RBFOX1: variants seen among roughly 807,000 people sequenced by gnomAD.
RBFOX1 encodes the protein RNA binding protein fox-1 homolog 1.
In RBFOX1, 8 loss-of-function variants were observed where a neutral mutation model predicts 57.7. The ratio of observed to expected loss-of-function variants is 0.14; its 90% CI spans 0.08 to 0.25. The LOEUF (loss-of-function observed/expected upper bound fraction) is 0.25. Among genes scored for constraint, RBFOX1 ranks in the 10% least tolerant of loss-of-function variants. The probability of loss-of-function intolerance (pLI) is 1.00; values close to 1 mark genes in which losing one functional copy is unlikely to be tolerated. For missense variants in RBFOX1, 611 were observed against 548.5 expected, an observed-to-expected ratio of 1.11 and a Z score of -1.14; for synonymous variants, 326 against 222.4, an observed-to-expected ratio of 1.47 and a Z score of -4.15.
Position 6,869,589 on chromosome 16 carries a change from TAGAG to T in RBFOX1, c.-15-182466_-15-182463del, listed in dbSNP as rs200939510. Among the ~76,000 whole-genome samples the T allele has an allele frequency of 6.1e-3, 935 of 152,086 alleles. 14 individuals carry two copies. Among genetic ancestry groups the T allele is most frequent in the African/African-American group, 0.021 (886 of 41,486 alleles). On this transcript the variant is annotated intron_variant, in intron 3 of 15. Coordinates refer to ENST00000550418, the MANE Select transcript of RBFOX1 (RefSeq NM_018723.4). ...AATTTCTGTGCAGAGTAGGATGAAA[TAGAG>T]AAAGAAAGAACAGGAAAAATATAAT...
chr16:7,384,011 G>A (rs537790928), intron 4 of RBFOX1, among the ~76,000 whole-genome samples: 87 of 150,384 alleles, frequency 5.8e-4, no homozygotes, highest in South Asian at 4.4e-3. Flanking sequence ...CAGAGATCGT[G>A]CCGTTGCACC....
chr16:5,654,377 G>A (rs991989499), intron 3 of RBFOX1, among the ~76,000 whole-genome samples: 8 of 152,150 alleles, frequency 5.3e-5, no homozygotes, highest in South Asian at 4.1e-4. Context: ...TGTAGTGGGA[G>A]TATTTATACC....
At chr16:7,664,889 A>C in intron 12 of RBFOX1, 40 bp from the exon 13 acceptor site, 1 of 1,613,844 alleles carries the variant, frequency 6.2e-7, no homozygotes, top group Non-Finnish European at 8.5e-7. Context: ...TGGGAAATGC[A>C]CTAATATGGA....
intron 4 of RBFOX1, among the ~76,000 whole-genome samples, chr16:7,411,914 AAAAAAAAAAAG>A (rs1329217297): frequency 2.6e-5 from 4 of 151,430 alleles, no homozygotes; most frequent in South Asian, 2.1e-4. Context: ...AAAAAAAAAA[AAAAAAAAAAAG>A]ATAGGGAAAA....
At chr16:5,960,114 T>A (rs1046569836) in intron 4 of RBFOX1, among the ~76,000 whole-genome samples, 1 of 151,998 alleles carries the variant, frequency 6.6e-6, no homozygotes, top group South Asian at 2.1e-4. Context: ...GACAGGAGAA[T>A]TGCTTGAACC....
Position 6,932,933 on chromosome 16 carries a change from C to G in RBFOX1, c.-15-119124C>G, listed in dbSNP as rs553650459. On this transcript the variant is annotated intron_variant, in intron 3 of 15. Coordinates refer to ENST00000550418, the MANE Select transcript of RBFOX1 (RefSeq NM_018723.4). Reference sequence around the variant, plus strand: ...CCCCCAGCCCCTGGCAACTACTATTCTCCTTTCTGTCTTTATGAACTTGAC... The same window carrying G: ...CCCCCAGCCCCTGGCAACTACTATTGTCCTTTCTGTCTTTATGAACTTGAC... Among the ~76,000 whole-genome samples the G allele has an allele frequency of 6.6e-5, 10 of 152,302 alleles. No individual in the cohort carries two copies. In the South Asian group the frequency reaches 2.1e-3, roughly 32 times the overall value.
At chr16:5,313,259 C>T (rs768432644) in intron 1 of RBFOX1, among the ~76,000 whole-genome samples, 3 of 152,116 alleles carry the variant, frequency 2.0e-5, no homozygotes, top group African/African-American at 2.4e-5. Flanking sequence ...TTCCCCCTCT[C>T]CAAAGTCCTC....
At chr16:6,425,688 C>T (rs1391291175) in intron 2 of RBFOX1, among the ~76,000 whole-genome samples, 2 of 151,992 alleles carry the variant, frequency 1.3e-5, no homozygotes, top group Non-Finnish European at 2.9e-5. Context: ...TTTGTATTGC[C>T]TGGTTTATTC....
intron 1 of RBFOX1, among the ~76,000 whole-genome samples, chr16:6,040,744 AC>A (rs2095427870): frequency 6.6e-6 from 1 of 151,944 alleles, no homozygotes; most frequent in Non-Finnish European, 1.5e-5. Context: ...ACAGGCACCC[AC>A]CACCATGCCT....
chr16:5,616,371 T>C (rs975331107), intron 3 of RBFOX1, among the ~76,000 whole-genome samples: 1 of 152,200 alleles, frequency 6.6e-6, no homozygotes, highest in African/African-American at 2.4e-5. Flanking sequence ...CCAGCTTGTC[T>C]GCGGTGCTGG....
intron 11 of RBFOX1, among the ~76,000 whole-genome samples, chr16:7,641,771 C>T (rs148736866): frequency 9.1e-4 from 138 of 152,238 alleles, no homozygotes; most frequent in African/African-American, 2.7e-3. Context: ...TAAACTGTCA[C>T]GGTAGACTAG....
chr16:7,193,597 C>T (rs796932318), intron 4 of RBFOX1, among the ~76,000 whole-genome samples: 4 of 152,172 alleles, frequency 2.6e-5, no homozygotes, highest in African/African-American at 9.7e-5. Context: ...CGTCCTTGAT[C>T]CAATGAGGCA....
chr16:5,497,500 C>T (rs1461933347), intron 2 of RBFOX1, among the ~76,000 whole-genome samples: 1 of 151,886 alleles, frequency 6.6e-6, no homozygotes, highest in Non-Finnish European at 1.5e-5. Flanking sequence ...TCTGGCCAGG[C>T]ACGGTGGCTC....
At chr16:6,075,267 G>A (rs1178566620) in intron 1 of RBFOX1, among the ~76,000 whole-genome samples, 4 of 152,180 alleles carry the variant, frequency 2.6e-5, no homozygotes, top group Non-Finnish European at 5.9e-5. Context: ...TGAGCTTTGA[G>A]AAATAAGATC....
At chr16:6,867,895 A>G (rs923081823) in intron 3 of RBFOX1, among the ~76,000 whole-genome samples, 1 of 152,068 alleles carries the variant, frequency 6.6e-6, no homozygotes, top group Admixed American at 6.5e-5. Flanking sequence ...GTCATTCCAT[A>G]CTCTTAAACA....
chr16:6,727,128 A>ATG (rs1006084274), intron 3 of RBFOX1, among the ~76,000 whole-genome samples: 1 of 150,774 alleles, frequency 6.6e-6, no homozygotes, highest in Non-Finnish European at 1.5e-5. Flanking sequence ...GTGTGTGTAT[A>ATG]TATAAAACAT....
chr16:5,801,341 C>CT (rs56826567), intron 3 of RBFOX1, among the ~76,000 whole-genome samples: 66,822 of 143,136 alleles, frequency 0.47, 15,256 homozygotes, highest in South Asian at 0.58. Context: ...CTCCCTCTCT[C>CT]TTTTTTTTTT....
chr16:7,125,190 G>A (rs2068185327), intron 4 of RBFOX1, among the ~76,000 whole-genome samples: 1 of 152,146 alleles, frequency 6.6e-6, no homozygotes, highest in Non-Finnish European at 1.5e-5. Context: ...CTTGGGGGAC[G>A]GGCCACACTG....
At chr16:6,773,659 A>C (rs1268229908) in intron 3 of RBFOX1, 1 of 35,806 alleles carries the variant, frequency 2.8e-5, no homozygotes, top group African/African-American at 2.1e-4. Flanking sequence ...TGTGGGGTCT[A>C]TTTGTGTGTG....
Sources: gnomAD v4.1 joint callset for allele counts (sites outside exome capture counted in the v4.1 genomes callset) on GRCh38, gnomAD v4.1.1 for gene constraint, MANE v1.5 for transcripts, NCBI Gene and HGNC (gene_info 2026-07-23, HGNC 2026-07-21) for gene names.